Variants in HMCN1 observed in about 807,000 individuals in gnomAD.
HMCN1 encodes hemicentin 1, also known as hemicentin-1.
A neutral mutation model predicts 625.9 loss-of-function variants in HMCN1; 321 were observed. The ratio of observed to expected loss-of-function variants is 0.51; its 90% CI spans 0.47 to 0.56. The LOEUF is 0.56. Ranked by LOEUF, HMCN1 falls within the 20% of genes least tolerant of loss-of-function variation. The pLI is 0.00. For missense variants in HMCN1, 6,588 were observed against 6,887.3 expected (o/e 0.96, Z 1.54); for synonymous variants, 2,425 against 2,417.6 (o/e 1.00, Z -0.09).
rs763658772 is a variant in HMCN1, at chr1:186,038,918, G to A, written c.5941G>A (p.Ala1981Thr). Residue 1981 changes from alanine to threonine, a missense_variant, in exon 38 of 107, where the codon GCC becomes ACC. By Grantham distance (58) the Ala-to-Thr change is moderately conservative. Coordinates refer to ENST00000271588, the MANE Select transcript of HMCN1 (RefSeq NM_031935.3). ...NRGQIIDIES[A>T]QISDAGIYKC... Reference sequence around the variant, plus strand: ...AGGACAGATCATTGATATTGAAAGTGCCCAGATCTCAGATGCTGGCATATA... The same window carrying A: ...AGGACAGATCATTGATATTGAAAGTACCCAGATCTCAGATGCTGGCATATA... The A allele has an allele frequency of 6.2e-7, 1 of 1,606,306 alleles. No homozygotes were observed. Among genetic ancestry groups the A allele is most frequent in the Admixed American group, 1.7e-5 (1 of 59,966 alleles).
intron 4 of HMCN1, among the ~76,000 whole-genome samples, chr1:185,877,427 A>G (rs889796477): frequency 7.6e-6 from 1 of 131,478 alleles, no homozygotes; most frequent in Non-Finnish European, 1.6e-5. Flanking sequence ...CTTTTTGTTT[A>G]GGATTACTTT....
intron 2 of HMCN1, among the ~76,000 whole-genome samples, chr1:185,846,742 A>G (rs1661843636): frequency 6.6e-6 from 1 of 151,996 alleles, no homozygotes; most frequent in Non-Finnish European, 1.5e-5. Context: ...TCCATCATTC[A>G]TTTTGGCGAT....
intron 13 of HMCN1, among the ~76,000 whole-genome samples, chr1:185,964,962 G>A (rs796705864): frequency 1.8e-4 from 28 of 152,162 alleles, no homozygotes; most frequent in African/African-American, 6.3e-4. Flanking sequence ...AAAAAGCTAT[G>A]CACCCATTTA....
At position 186,153,731 on chromosome 1, in the gene HMCN1, T is replaced by G. The variant is rs776833732; in HGVS notation, c.15019-19T>G. 6.2e-7 allele frequency: 1 copy of G among 1,604,006 alleles called. No individual in the cohort carries two copies. The highest frequency in any genetic ancestry group is 1.7e-5 in the Admixed American group (1 of 59,996). Reference sequence around the variant, plus strand: ...AGTATGAGCCATATTGATCTTCAAATCCACATTGTTCTCCTTAGGATTACA... The same window carrying G: ...AGTATGAGCCATATTGATCTTCAAAGCCACATTGTTCTCCTTAGGATTACA... On this transcript the variant is annotated intron_variant, in intron 96 of 106. Transcript: ENST00000271588.
chr1:186,018,455 T>A, intron 34 of HMCN1, 103 bp downstream of exon 34: 2 of 1,187,776 alleles, frequency 1.7e-6, no homozygotes, highest in African/African-American at 1.5e-5. Flanking sequence ...AAATCCTGAG[T>A]TGTGGAAGGT....
chr1:186,041,218 T>C (rs996828528), intron 40 of HMCN1, 82 bp downstream of exon 40: 11 of 1,236,372 alleles, frequency 8.9e-6, no homozygotes, highest in Admixed American at 1.7e-5. Flanking sequence ...AGGGAAGTTG[T>C]TGACAATAAA....
At position 185,977,976 on chromosome 1, in the gene HMCN1, T is replaced by C. The variant is rs755041990; in HGVS notation, c.2561T>C (p.Ile854Thr). The C allele has an allele frequency of 6.2e-7, 1 of 1,607,406 alleles. No individual in the cohort carries two copies. Among genetic ancestry groups the C allele is most frequent in the Non-Finnish European group, 8.5e-7 (1 of 1,174,234 alleles). ...ISQLRTGALFILNLWASDKGT... is the reference protein window; with the variant it reads ...ISQLRTGALFTLNLWASDKGT... ...CAACTAAGAACAGGAGCTCTCTTTA[T>C]TTTAAGTAGGTTGAAGGAAATATAT... Residue 854 changes from isoleucine (I) to threonine (T), a missense_variant, in exon 16 of 107, where the codon ATT becomes ACT. This residue lies in a region of HMCN1 where 4,628 missense variants were observed against 4,853.1 expected (regional missense o/e 0.95). Coordinates refer to ENST00000271588, the MANE Select transcript of HMCN1 (RefSeq NM_031935.3).
intron 23 of HMCN1, among the ~76,000 whole-genome samples, chr1:185,994,254 T>TA (rs768415579): frequency 5.1e-4 from 78 of 152,248 alleles, no homozygotes; most frequent in Admixed American, 1.3e-3. Flanking sequence ...GGTGTTTTGA[T>TA]AAACTACTGC....
intron 2 of HMCN1, among the ~76,000 whole-genome samples, chr1:185,858,371 T>G (rs758405329): frequency 6.6e-6 from 1 of 152,014 alleles, no homozygotes; most frequent in East Asian, 1.9e-4. Flanking sequence ...TTTCTTCTAT[T>G]TGGTATTCAG....
chr1:186,039,953 G>C (rs907483868), intron 39 of HMCN1, 74 bp downstream of exon 39: 2 of 1,402,636 alleles, frequency 1.4e-6, no homozygotes, highest in Non-Finnish European at 1.0e-6. Flanking sequence ...AGGTAAAACT[G>C]TTGAAGAGAT....
At position 186,190,296 on chromosome 1, in the gene HMCN1, A is replaced by G. The variant is rs756210638; in HGVS notation, c.*418A>G. Reference sequence around the variant, plus strand: ...TATTTTTAGAATCATAAAATTAGTTACTAAGTATTTTGATCAAAGCTTATA... The same window carrying G: ...TATTTTTAGAATCATAAAATTAGTTGCTAAGTATTTTGATCAAAGCTTATA... On this transcript the variant is annotated 3_prime_UTR_variant, in exon 107 of 107. Coordinates refer to ENST00000271588, the MANE Select transcript of HMCN1 (RefSeq NM_031935.3). The G allele has an allele frequency of 5.8e-4, 130 of 224,838 alleles. No homozygotes were observed. The highest frequency in any genetic ancestry group is 8.9e-4 in the Non-Finnish European group (99 of 111,746). The allele number at this position is 224,838 out of a possible 1,614,324, so 13.9% of individuals were successfully genotyped here. A position where few individuals can be genotyped will look rare whatever the true frequency, so the allele number is the denominator to read the frequency against.
chr1:185,889,404 G>C (rs1664896990), intron 4 of HMCN1, among the ~76,000 whole-genome samples: 2 of 147,718 alleles, frequency 1.4e-5, no homozygotes, highest in Non-Finnish European at 2.9e-5. Flanking sequence ...CAAAGGGAAT[G>C]CTTCCAGTTT....
intron 45 of HMCN1, among the ~76,000 whole-genome samples, 158 bp from the exon 46 acceptor site, chr1:186,057,076 T>C (rs1657382768): frequency 6.6e-6 from 1 of 150,694 alleles, no homozygotes; most frequent in South Asian, 2.1e-4. Flanking sequence ...CAGCTGGTTG[T>C]TGTGATTGCT....
intron 1 of HMCN1, among the ~76,000 whole-genome samples, chr1:185,799,977 A>C (rs1237879852): frequency 1.3e-5 from 2 of 152,170 alleles, no homozygotes; most frequent in African/African-American, 4.8e-5. Context: ...TAGATACCCC[A>C]GTGATGGGTA....
chr1:185,928,627 T>C lies in HMCN1; in HGVS notation c.1512T>C (p.Ser504=), dbSNP rs1407831457. 7.4e-6 allele frequency: 12 copies of C among 1,613,656 alleles called. No homozygotes were observed. Among genetic ancestry groups the C allele is most frequent in the South Asian group, 1.1e-5 (1 of 91,078 alleles). The change falls in exon 10 of 107, where the codon AGT becomes AGC. Residue 504 remains serine, a synonymous_variant. Transcript: ENST00000271588. ...EGFYECIAVS[S]AGTGRAQTFF... Reference sequence around the variant, plus strand: ...TCTATGAATGCATTGCTGTCAGCAGTGCAGGTACTGGACGGGCACAGACAT... The same window carrying C: ...TCTATGAATGCATTGCTGTCAGCAGCGCAGGTACTGGACGGGCACAGACAT...
chr1:186,164,395 A>C (rs1014236600), intron 97 of HMCN1, among the ~76,000 whole-genome samples: 1 of 151,700 alleles, frequency 6.6e-6, no homozygotes, highest in Non-Finnish European at 1.5e-5. Flanking sequence ...ACCTGCCACC[A>C]CACCTGGCTA....
At chr1:186,032,938 G>T (rs565662334) in intron 36 of HMCN1, among the ~76,000 whole-genome samples, 3 of 152,002 alleles carry the variant, frequency 2.0e-5, no homozygotes, top group Non-Finnish European at 4.4e-5. Context: ...AAAAGAAGTC[G>T]TTATATGAAA....
intron 10 of HMCN1, among the ~76,000 whole-genome samples, chr1:185,930,095 A>G (rs1667466857): frequency 1.3e-5 from 2 of 152,198 alleles, no homozygotes. Context: ...GGTGTCAGGA[A>G]CTTCCATATG....
At chr1:185,785,658 C>T (rs1411766854) in intron 1 of HMCN1, among the ~76,000 whole-genome samples, 1 of 152,120 alleles carries the variant, frequency 6.6e-6, no homozygotes, top group Non-Finnish European at 1.5e-5. Context: ...TTCGTTCTGC[C>T]ATCTTGTCCC....
Sources: gnomAD v4.1 joint callset for allele counts (sites outside exome capture counted in the v4.1 genomes callset) on GRCh38, gnomAD v4.1.1 for gene constraint, gnomAD v4.1.1 regional missense constraint, MANE v1.5 for transcripts, NCBI Gene and HGNC (gene_info 2026-07-23, HGNC 2026-07-21) for gene names.